Variants in RUFY1 observed in about 807,000 individuals in gnomAD.
RUFY1 encodes RUN and FYVE domain containing 1, also known as RUN and FYVE domain-containing protein 1.
A neutral mutation model predicts 94.6 loss-of-function variants in RUFY1; 54 were observed. That is an observed-to-expected ratio of 0.57 (90% CI 0.46 to 0.72). The LOEUF (loss-of-function observed/expected upper bound fraction) is 0.72, where lower values mean the gene tolerates loss of function less well. Ranked by LOEUF, RUFY1 falls within the 30% of genes least tolerant of loss-of-function variation. RUFY1 has a pLI of 0.00. For synonymous variants in RUFY1, 396 were observed against 347.3 expected, an observed-to-expected ratio of 1.14 and a Z score of -1.56; for missense variants, 883 against 883.9, an observed-to-expected ratio of 1.00 and a Z score of 0.01.
At chr5:179,582,220 A>C (rs1437869636) in intron 7 of RUFY1, among the ~76,000 whole-genome samples, 1 of 151,918 alleles carries the variant, frequency 6.6e-6, no homozygotes, top group Non-Finnish European at 1.5e-5. Flanking sequence ...ACTTGATCAT[A>C]ATATTTTTTA....
At chr5:179,564,542 C>T (rs907858037) in intron 3 of RUFY1, among the ~76,000 whole-genome samples, 1 of 151,542 alleles carries the variant, frequency 6.6e-6, no homozygotes, top group Non-Finnish European at 1.5e-5. Flanking sequence ...TTTCCCACCT[C>T]AGCCTCCCAA....
At chr5:179,594,154 T>C (rs1765343805) in intron 11 of RUFY1, among the ~76,000 whole-genome samples, 1 of 151,452 alleles carries the variant, frequency 6.6e-6, no homozygotes, top group South Asian at 2.1e-4. Flanking sequence ...ATACAAAAAT[T>C]AGCTGGGCAT....
intron 5 of RUFY1, among the ~76,000 whole-genome samples, chr5:179,576,247 C>T (rs1228364319): frequency 6.6e-6 from 1 of 152,104 alleles, no homozygotes; most frequent in Non-Finnish European, 1.5e-5. Context: ...TATTCATTCT[C>T]AAGTGCTTTA....
At chr5:179,565,823 T>C (rs1230342374) in intron 3 of RUFY1, among the ~76,000 whole-genome samples, 1 of 152,158 alleles carries the variant, frequency 6.6e-6, no homozygotes, top group Non-Finnish European at 1.5e-5. Flanking sequence ...TTTGGTAACC[T>C]GTTGTCATCA....
chr5:179,581,406 A>G (rs962909922), intron 7 of RUFY1, among the ~76,000 whole-genome samples: 1 of 151,286 alleles, frequency 6.6e-6, no homozygotes, highest in Non-Finnish European at 1.5e-5. Flanking sequence ...CTCCAGAGCA[A>G]TGTACTAGTG....
At chr5:179,600,026 G>A (rs536269215) in intron 14 of RUFY1, 28 of 152,394 alleles carry the variant, frequency 1.8e-4, no homozygotes, top group African/African-American at 6.3e-4. Flanking sequence ...AGGAAGTGGA[G>A]GGCAGAAGAG....
chr5:179,559,610 G>C (rs1400111313), intron 1 of RUFY1: 3 of 958,796 alleles, frequency 3.1e-6, no homozygotes, highest in Non-Finnish European at 3.7e-6. Context: ...CAATAGGAAT[G>C]TTTGGGGGCG....
At chr5:179,607,552 G>A (rs770393328) in intron 16 of RUFY1, 30 bp from the exon 17 acceptor site, 1 of 1,606,206 alleles carries the variant, frequency 6.2e-7, no homozygotes, top group South Asian at 1.1e-5. Context: ...TAGACAGAAA[G>A]TGGATTCTAG....
chr5:179,591,510 TAAAAAA>T (rs1765102890), intron 9 of RUFY1, 109 bp from the exon 10 acceptor site: 4 of 738,468 alleles, frequency 5.4e-6, no homozygotes, highest in Middle Eastern at 2.7e-4. Flanking sequence ...CTACCATGCT[TAAAAAA>T]TAAAAATTAC....
At chr5:179,562,301 A>G (rs1762516594) in intron 2 of RUFY1, among the ~76,000 whole-genome samples, 1 of 152,080 alleles carries the variant, frequency 6.6e-6, no homozygotes, top group Non-Finnish European at 1.5e-5. Flanking sequence ...CCAGCTACTC[A>G]GGAGGCTGAG....
intron 1 of RUFY1, among the ~76,000 whole-genome samples, chr5:179,551,968 A>G (rs1341326209): frequency 6.6e-6 from 1 of 151,226 alleles, no homozygotes; most frequent in African/African-American, 2.4e-5. Flanking sequence ...GATCGAGACC[A>G]TCCTGGCCAA....
At chr5:179,604,107 A>G (rs1459655197) in intron 15 of RUFY1, among the ~76,000 whole-genome samples, 6 of 152,176 alleles carry the variant, frequency 3.9e-5, no homozygotes, top group East Asian at 1.9e-4. Flanking sequence ...GCCTGGCACT[A>G]CCGGCTAACC....
Position 179,598,795 on chromosome 5 carries a change from C to A in RUFY1, c.1735C>A (p.Leu579Met), listed in dbSNP as rs759934940. The A allele has an allele frequency of 1.3e-5, 21 of 1,614,090 alleles. No individual in the cohort carries two copies. The highest frequency in any genetic ancestry group is 1.6e-4 in the Middle Eastern group (1 of 6,084). ...KDTSSLLRMELQQVEGLKKEL... is the reference protein window; with the variant it reads ...KDTSSLLRMEMQQVEGLKKEL... ...CACTTCCTCTCTACTCAGGATGGAGCTGCAACAAGTGGAAGGACTGAAAAA... is the reference window on the plus strand; with the variant it reads ...CACTTCCTCTCTACTCAGGATGGAGATGCAACAAGTGGAAGGACTGAAAAA... Residue 579 changes from leucine (L) to methionine (M), a missense_variant, in exon 14 of 18, where the codon CTG becomes ATG. Physicochemically the swap from Leu to Met is conservative, Grantham distance 15. Coordinates refer to ENST00000319449, the MANE Select transcript of RUFY1 (RefSeq NM_025158.5).
chr5:179,566,077 G>A (rs1384926298), intron 3 of RUFY1, among the ~76,000 whole-genome samples: 1 of 151,848 alleles, frequency 6.6e-6, no homozygotes, highest in African/African-American at 2.4e-5. Context: ...GGAGTTCCAG[G>A]CTGCAGGGAG....
At chr5:179,581,774 A>G (rs935636932) in intron 7 of RUFY1, among the ~76,000 whole-genome samples, 6 of 149,936 alleles carry the variant, frequency 4.0e-5, no homozygotes, top group Non-Finnish European at 7.4e-5. Context: ...TCGAATTCCC[A>G]GGCTCAGGCA....
chr5:179,587,912 C>T (rs1764741963), intron 8 of RUFY1, among the ~76,000 whole-genome samples: 1 of 151,968 alleles, frequency 6.6e-6, no homozygotes, highest in Non-Finnish European at 1.5e-5. Context: ...CCTGTACTCC[C>T]AGCTACTCGG....
At chr5:179,566,496 C>G (rs999039556) in intron 3 of RUFY1, among the ~76,000 whole-genome samples, 1 of 151,914 alleles carries the variant, frequency 6.6e-6, no homozygotes, top group African/African-American at 2.4e-5. Context: ...ATCCCAGCTA[C>G]TCGGGAGGCT....
intron 3 of RUFY1, chr5:179,562,939 C>T (rs1178247093): frequency 3.0e-6 from 1 of 336,578 alleles, no homozygotes; most frequent in Non-Finnish European, 5.4e-6. Context: ...ACTACTGGTA[C>T]ACTCCTGGAA....
chr5:179,569,901 C>T (rs1319387030), intron 5 of RUFY1, among the ~76,000 whole-genome samples: 2 of 152,170 alleles, frequency 1.3e-5, no homozygotes, highest in Admixed American at 6.5e-5. Context: ...CCCGCCACCA[C>T]GCCCAGCTAA....
Sources: gnomAD v4.1 joint callset for allele counts (sites outside exome capture counted in the v4.1 genomes callset) on GRCh38, gnomAD v4.1.1 for gene constraint, MANE v1.5 for transcripts, NCBI Gene and HGNC (gene_info 2026-07-23, HGNC 2026-07-21) for gene names.